The following MAP2K6 variants were observed in gnomAD, a reference collection of about 807,000 sequenced individuals.
MAP2K6 encodes mitogen-activated protein kinase kinase 6, also known as dual specificity mitogen-activated protein kinase kinase 6.
Under a neutral mutation model 53.7 loss-of-function variants are expected in MAP2K6, and 16 were observed. The observed-to-expected ratio is 0.30, with a 90% CI of 0.20 to 0.45. The LOEUF (loss-of-function observed/expected upper bound fraction) is 0.45. Ranked by LOEUF, MAP2K6 falls within the 20% of genes least tolerant of loss-of-function variation. The pLI, the probability that MAP2K6 is intolerant of heterozygous loss-of-function variation, is 1.00. For missense variants in MAP2K6, 204 were observed against 411.9 expected, an observed-to-expected ratio of 0.50 and a Z score of 4.37; for synonymous variants, 132 against 143.1, an observed-to-expected ratio of 0.92 and a Z score of 0.55.
intron 1 of MAP2K6, among the ~76,000 whole-genome samples, chr17:69,504,167 G>A (rs1214289372): frequency 7.2e-6 from 1 of 139,460 alleles, no homozygotes; most frequent in African/African-American, 2.6e-5. Flanking sequence ...ATTGGTTTAA[G>A]TTTCTTTGCA....
chr17:69,522,114 T>C (rs1312758580), intron 7 of MAP2K6, among the ~76,000 whole-genome samples: 1 of 152,202 alleles, frequency 6.6e-6, no homozygotes, highest in Non-Finnish European at 1.5e-5. Flanking sequence ...CAGAACCCTG[T>C]CTTTGGGAAG....
At chr17:69,520,204 T>C in intron 5 of MAP2K6, 66 bp from the exon 6 acceptor site, 1 of 844,906 alleles carries the variant, frequency 1.2e-6, no homozygotes, top group South Asian at 1.5e-5. Flanking sequence ...TTACTGTTTT[T>C]TTTTTTTATT....
At chr17:69,522,982 G>A (rs1348714876) in intron 7 of MAP2K6, among the ~76,000 whole-genome samples, 2 of 152,054 alleles carry the variant, frequency 1.3e-5, no homozygotes, top group Non-Finnish European at 2.9e-5. Flanking sequence ...GATGATTTGA[G>A]CCCAGGAGTT....
intron 1 of MAP2K6, among the ~76,000 whole-genome samples, chr17:69,440,674 A>G (rs373508280): frequency 1.0e-3 from 154 of 149,220 alleles, no homozygotes; most frequent in Non-Finnish European, 1.8e-3. Context: ...AAATTTCTTG[A>G]TTTTTCCTTC....
chr17:69,496,100 A>G lies in MAP2K6; in HGVS notation c.17-9680A>G, dbSNP rs138245002. On this transcript the variant is annotated intron_variant, in intron 1 of 11. Transcript: ENST00000590474. Reference sequence around the variant, plus strand: ...CTAGGACTTTTTTTTTTTTAGCTTTAATCACATGAAGCTGTAATAAAACCC... The same window carrying G: ...CTAGGACTTTTTTTTTTTTAGCTTTGATCACATGAAGCTGTAATAAAACCC... Among the ~76,000 whole-genome samples the G allele has an allele frequency of 8.2e-3, 1,252 of 151,770 alleles. 8 individuals carry two copies. The highest frequency in any genetic ancestry group is 0.012 in the Non-Finnish European group (822 of 67,950).
In MAP2K6 at chr17:69,500,352, C is replaced by T. The variant is rs571721734; in HGVS notation, c.17-5428C>T. ...TCGCAGCTACTCGGGAGGCTGAGGG[C>T]CATGAGAATTGCTTGAACGTGGGAA... On this transcript the variant is annotated intron_variant, in intron 1 of 11. Transcript: ENST00000590474. Among the ~76,000 whole-genome samples, 5 of 147,178 alleles carry T rather than the reference C, an allele frequency of 3.4e-5. No individual in the cohort carries two copies. In the South Asian group the frequency reaches 1.1e-3, roughly 32 times the overall value.
intron 1 of MAP2K6, among the ~76,000 whole-genome samples, chr17:69,446,607 G>A (rs1906971558): frequency 6.6e-6 from 1 of 152,148 alleles, no homozygotes; most frequent in Admixed American, 6.5e-5. Flanking sequence ...AGTTCAGGGA[G>A]GTTAAGTAAT....
intron 1 of MAP2K6, among the ~76,000 whole-genome samples, chr17:69,462,260 G>T (rs1039974826): frequency 2.0e-5 from 3 of 152,074 alleles, no homozygotes; most frequent in Non-Finnish European, 4.4e-5. Flanking sequence ...CTATCCAGGG[G>T]ATGGACTCTG....
At chr17:69,519,907 T>A in intron 5 of MAP2K6, 1 of 229,142 alleles carries the variant, frequency 4.4e-6, no homozygotes, top group East Asian at 1.3e-4. Context: ...TTGCTGGTAT[T>A]TAGTGTGAGA....
intron 1 of MAP2K6, among the ~76,000 whole-genome samples, chr17:69,457,762 A>G (rs1354196888): frequency 1.3e-5 from 2 of 152,158 alleles, no homozygotes; most frequent in African/African-American, 4.8e-5. Context: ...CTATGATCAC[A>G]CTACTCCAGC....
chr17:69,439,032 A>G (rs775748429), intron 1 of MAP2K6, among the ~76,000 whole-genome samples: 1 of 152,226 alleles, frequency 6.6e-6, no homozygotes, highest in Admixed American at 6.5e-5. Context: ...GCAATGATAG[A>G]GTTGAGTTAT....
intron 1 of MAP2K6, among the ~76,000 whole-genome samples, chr17:69,441,168 G>C (rs1906804590): frequency 6.6e-6 from 1 of 152,146 alleles, no homozygotes; most frequent in Non-Finnish European, 1.5e-5. Flanking sequence ...CTGTATTTTT[G>C]TTTGTTTGTT....
chr17:69,481,144 GT>G (rs1199967232), intron 1 of MAP2K6, among the ~76,000 whole-genome samples: 4 of 151,982 alleles, frequency 2.6e-5, no homozygotes, highest in African/African-American at 4.8e-5. Context: ...TAACTCCCCA[GT>G]TTTTTCCCCC....
At chr17:69,487,108 A>G (rs1297460411) in intron 1 of MAP2K6, among the ~76,000 whole-genome samples, 2 of 152,202 alleles carry the variant, frequency 1.3e-5, no homozygotes, top group Non-Finnish European at 1.5e-5. Context: ...GTGAGTAGAA[A>G]GCCTGTACAG....
At chr17:69,446,068 T>C (rs1906955846) in intron 1 of MAP2K6, among the ~76,000 whole-genome samples, 1 of 152,202 alleles carries the variant, frequency 6.6e-6, no homozygotes, top group African/African-American at 2.4e-5. Context: ...GAAGTGCTTA[T>C]TTTTTACCCT....
chr17:69,450,251 C>T (rs534293862), intron 1 of MAP2K6, among the ~76,000 whole-genome samples: 1 of 152,176 alleles, frequency 6.6e-6, no homozygotes, highest in East Asian at 1.9e-4. Flanking sequence ...CCACACCTGG[C>T]CTTTCTATTC....
chr17:69,472,266 G>A (rs1405699302), intron 1 of MAP2K6, among the ~76,000 whole-genome samples: 6 of 151,354 alleles, frequency 4.0e-5, no homozygotes, highest in African/African-American at 7.3e-5. Flanking sequence ...ATGTACCCCC[G>A]AATCTAAAAA....
chr17:69,465,654 T>C (rs1294104342), intron 1 of MAP2K6, among the ~76,000 whole-genome samples: 3 of 151,306 alleles, frequency 2.0e-5, no homozygotes, highest in African/African-American at 7.3e-5. Flanking sequence ...AGTTTCGCTC[T>C]TGTTGTCCAG....
chr17:69,462,880 G>C (rs1458388507), intron 1 of MAP2K6, among the ~76,000 whole-genome samples: 2 of 151,914 alleles, frequency 1.3e-5, no homozygotes, highest in African/African-American at 4.8e-5. Flanking sequence ...GGAAAACGAG[G>C]TCAGGAGATC....
Sources: gnomAD v4.1 joint callset for allele counts (sites outside exome capture counted in the v4.1 genomes callset) on GRCh38, gnomAD v4.1.1 for gene constraint, MANE v1.5 for transcripts, NCBI Gene and HGNC (gene_info 2026-07-23, HGNC 2026-07-21) for gene names.